WIPF3: variants seen among roughly 807,000 people sequenced by gnomAD.
WIPF3 encodes the protein WAS/WASL interacting protein family member 3.
In WIPF3, 33 loss-of-function variants were observed where a neutral mutation model predicts 38.9. The ratio of observed to expected loss-of-function variants is 0.85; its 90% CI spans 0.64 to 1.14. The LOEUF (loss-of-function observed/expected upper bound fraction) is 1.14, where lower values mean the gene tolerates loss of function less well. Among genes scored for constraint, WIPF3 ranks in the 50% most tolerant of loss-of-function variants. The probability of loss-of-function intolerance (pLI) is 0.00; values close to 1 mark genes in which losing one functional copy is unlikely to be tolerated. For missense variants in WIPF3, 711 were observed against 652.5 expected (o/e 1.09, Z -0.98); for synonymous variants, 324 against 269.3 (o/e 1.20, Z -1.99).
chr7:29,812,327 T>C (rs1324869849), intron 1 of WIPF3, among the ~76,000 whole-genome samples: 1 of 152,214 alleles, frequency 6.6e-6, no homozygotes. Context: ...TTTATTTGTC[T>C]TGTGGAATTA....
chr7:29,833,464 G>A (rs1383817140), intron 1 of WIPF3, among the ~76,000 whole-genome samples: 5 of 152,332 alleles, frequency 3.3e-5, no homozygotes, highest in Non-Finnish European at 5.9e-5. Flanking sequence ...CTAGGGCGTT[G>A]AAGCCCTGAC....
intron 1 of WIPF3, among the ~76,000 whole-genome samples, chr7:29,816,435 TCAG>T (rs1261389362): frequency 6.6e-6 from 1 of 152,178 alleles, no homozygotes; most frequent in African/African-American, 2.4e-5. Context: ...AGCTCAAGCC[TCAG>T]CCTCCTGAGT....
intron 1 of WIPF3, among the ~76,000 whole-genome samples, chr7:29,813,431 C>T (rs1784410903): frequency 6.6e-6 from 1 of 152,204 alleles, no homozygotes; most frequent in Non-Finnish European, 1.5e-5. Flanking sequence ...AGCCACAGCA[C>T]CCATGCACTC....
At chr7:29,896,232 C>T (rs1417227661) in intron 7 of WIPF3, among the ~76,000 whole-genome samples, 1 of 149,904 alleles carries the variant, frequency 6.7e-6, no homozygotes. Context: ...TCATTTGAGC[C>T]CAGGAGTTTG....
chr7:29,888,007 A>G, intron 5 of WIPF3, 61 bp from the exon 6 acceptor site: 1 of 1,599,736 alleles, frequency 6.3e-7, no homozygotes, highest in Non-Finnish European at 8.5e-7. Context: ...ATCTCACATA[A>G]GGTTATAGCA....
intron 2 of WIPF3, among the ~76,000 whole-genome samples, chr7:29,867,229 G>A (rs1785403574): frequency 6.6e-6 from 1 of 152,200 alleles, no homozygotes; most frequent in African/African-American, 2.4e-5. Context: ...GAGAGAAGGA[G>A]CCGGGACTCT....
intron 8 of WIPF3, among the ~76,000 whole-genome samples, chr7:29,909,799 G>A (rs1302443388): frequency 6.6e-6 from 1 of 151,992 alleles, no homozygotes; most frequent in Non-Finnish European, 1.5e-5. Flanking sequence ...GGAGACTGAG[G>A]TGAGAAGATT....
Position 29,844,018 on chromosome 7 carries a change from C to G in WIPF3, c.90+9204C>G, listed in dbSNP as rs945221730. Among the ~76,000 whole-genome samples the G allele has an allele frequency of 3.3e-5, 5 of 151,936 alleles. No individual in the cohort carries two copies. Among genetic ancestry groups the G allele is most frequent in the African/African-American group, 4.8e-5 (2 of 41,416 alleles). On this transcript the variant is annotated intron_variant, in intron 2 of 8. Coordinates refer to ENST00000242140, the MANE Select transcript of WIPF3 (RefSeq NM_001080529.3). The surrounding 1 kb of genome is among the most constrained non-coding windows in gnomAD (Gnocchi z 4.8). ...GGCTGGCTTGGCAGCCAGGAAGTCACGTTTCCTAGATTGTTTAATAAAAGG... is the reference window on the plus strand; with the variant it reads ...GGCTGGCTTGGCAGCCAGGAAGTCAGGTTTCCTAGATTGTTTAATAAAAGG...
In WIPF3 at chr7:29,853,689, C is replaced by T. The variant is rs548900023; in HGVS notation, c.90+18875C>T. On this transcript the variant is annotated intron_variant, in intron 2 of 8. Transcript: ENST00000242140. ...CTGTGTTGCCATCCCAGAAGTTCTG[C>T]GGCCTTGGTTGAGCAAATTACTTAA... Among the ~76,000 whole-genome samples the T allele has an allele frequency of 3.9e-5, 6 of 152,292 alleles. No homozygotes were observed. The South Asian group carries it at 6.2e-4, about 16-fold the overall frequency.
In WIPF3 at chr7:29,884,504, C is replaced by G. The variant is rs764445223; in HGVS notation, c.1010C>G (p.Pro337Arg). 4 of 1,576,354 alleles carry G rather than the reference C, an allele frequency of 2.5e-6. No individual in the cohort carries two copies. In the South Asian group the frequency reaches 4.7e-5, roughly 18 times the overall value. ...PPKSPSFQAPPQKAGAQALPA... is the reference protein window; with the variant it reads ...PPKSPSFQAPRQKAGAQALPA... ...AAATCCCCCAGCTTCCAGGCCCCAC[C>G]GCAGAAGGCCGGTGCGCAGGCCTTG... is the stretch of plus-strand genomic sequence containing the variant. Residue 337 changes from proline (P) to arginine (R), a missense_variant, in exon 5 of 9, where the codon CCG becomes CGG. Physicochemically the swap from Pro to Arg is moderately radical, Grantham distance 103. Transcript: ENST00000242140.
intron 2 of WIPF3, among the ~76,000 whole-genome samples, chr7:29,872,581 C>T (rs1179588193): frequency 6.6e-6 from 1 of 151,900 alleles, no homozygotes; most frequent in Non-Finnish European, 1.5e-5. Context: ...ATCACAAGGT[C>T]AGGAGATCGA....
At chr7:29,913,660 CT>C (rs1300639521) in intron 8 of WIPF3, among the ~76,000 whole-genome samples, 5 of 152,262 alleles carry the variant, frequency 3.3e-5, no homozygotes, top group African/African-American at 1.2e-4. Context: ...GGAGAGATAC[CT>C]TTAATGCCAT....
intron 1 of WIPF3, among the ~76,000 whole-genome samples, chr7:29,822,123 G>GTTTTTTTTTTTTTT: frequency 1.6e-5 from 1 of 62,876 alleles, no homozygotes; most frequent in Non-Finnish European, 2.9e-5. Flanking sequence ...TTTTTTCTTA[G>GTTTTTTTTTTTTTT]TTTTTTTTTT....
chr7:29,832,565 C>G (rs1403803036), intron 1 of WIPF3, among the ~76,000 whole-genome samples: 1 of 152,112 alleles, frequency 6.6e-6, no homozygotes. Context: ...GTTTTAATAT[C>G]AAGGAATGAG....
chr7:29,888,240 C>T (rs763962063), intron 6 of WIPF3, 23 bp downstream of exon 6: 10 of 1,588,858 alleles, frequency 6.3e-6, no homozygotes, highest in Admixed American at 5.3e-5. Context: ...CACCCTCTGC[C>T]GGTTTGGCTG....
At chr7:29,872,751 G>T (rs181100593) in intron 2 of WIPF3, among the ~76,000 whole-genome samples, 1 of 136,262 alleles carries the variant, frequency 7.3e-6, no homozygotes, top group East Asian at 2.1e-4. Context: ...AGCCGAGATC[G>T]CGCCGCCACT....
chr7:29,822,846 T>G (rs1784562887), intron 1 of WIPF3, among the ~76,000 whole-genome samples: 1 of 152,236 alleles, frequency 6.6e-6, no homozygotes, highest in African/African-American at 2.4e-5. Context: ...TTTACCGTCT[T>G]AAAACCGGAA....
At chr7:29,864,930 G>C (rs529424358) in intron 2 of WIPF3, among the ~76,000 whole-genome samples, 1 of 152,068 alleles carries the variant, frequency 6.6e-6, no homozygotes, top group Non-Finnish European at 1.5e-5. Context: ...TTTATTCCAG[G>C]GAATGCAAGC....
chr7:29,810,449 A>C (rs1222998177), intron 1 of WIPF3, among the ~76,000 whole-genome samples: 13 of 151,808 alleles, frequency 8.6e-5, no homozygotes, highest in African/African-American at 3.2e-4. Context: ...GGACTGTGTA[A>C]GTGGAGGAAT....
Sources: allele counts gnomAD v4.1 joint callset (sites outside exome capture counted in the v4.1 genomes callset), GRCh38; gene constraint gnomAD v4.1.1; non-coding constraint Gnocchi (gnomAD v3.1); transcripts MANE v1.5; gene names NCBI Gene and HGNC (gene_info 2026-07-23, HGNC 2026-07-21).